PITPNM2: variants seen among roughly 807,000 people sequenced by gnomAD.
The protein encoded by PITPNM2 is membrane-associated phosphatidylinositol transfer protein 2.
Under a neutral mutation model 132.2 loss-of-function variants are expected in PITPNM2, and 35 were observed. The observed-to-expected ratio is 0.26, with a 90% CI of 0.20 to 0.35. The LOEUF is 0.35. Among genes scored for constraint, PITPNM2 ranks in the 10% least tolerant of loss-of-function variants. PITPNM2 has a pLI of 1.00. For synonymous variants in PITPNM2, 738 were observed against 799.2 expected, an observed-to-expected ratio of 0.92 and a Z score of 1.29; for missense variants, 1,332 against 1,912.0, an observed-to-expected ratio of 0.70 and a Z score of 5.66.
intron 1 of PITPNM2, among the ~76,000 whole-genome samples, chr12:123,138,318 C>T (rs767405652): frequency 3.3e-5 from 5 of 151,948 alleles, no homozygotes; most frequent in Admixed American, 6.6e-5. Context: ...CATGGTGGTG[C>T]GTGCCTGTAG....
At chr12:123,066,548 G>T (rs1451917843) in intron 2 of PITPNM2, among the ~76,000 whole-genome samples, 1 of 152,190 alleles carries the variant, frequency 6.6e-6, no homozygotes, top group Non-Finnish European at 1.5e-5. Context: ...GACAAGCACA[G>T]ACTGAGAGCT....
intron 1 of PITPNM2, among the ~76,000 whole-genome samples, chr12:123,147,224 C>G (rs1214298048): frequency 6.6e-6 from 1 of 152,202 alleles, no homozygotes; most frequent in African/African-American, 2.4e-5. Context: ...TGAACTCTAC[C>G]TTCAACAACT....
chr12:123,016,155 G>T (rs560616768), intron 3 of PITPNM2, among the ~76,000 whole-genome samples: 1 of 151,980 alleles, frequency 6.6e-6, no homozygotes, highest in South Asian at 2.1e-4. Flanking sequence ...GTAAAACTCC[G>T]TCTCTACTGA....
At chr12:122,997,028 G>T in intron 11 of PITPNM2, 118 bp from the exon 12 acceptor site, 1 of 1,115,850 alleles carries the variant, frequency 9.0e-7, no homozygotes, top group Non-Finnish European at 1.2e-6. Flanking sequence ...GACCCTTCCC[G>T]GCCAGGGCCT....
intron 1 of PITPNM2, among the ~76,000 whole-genome samples, chr12:123,145,825 C>T (rs184844785): frequency 1.3e-4 from 20 of 152,244 alleles, no homozygotes; most frequent in African/African-American, 4.6e-4. Context: ...CTAAAAATAT[C>T]GTTCTATCAT....
chr12:123,092,978 T>C (rs1240595685), intron 2 of PITPNM2, among the ~76,000 whole-genome samples: 1 of 152,234 alleles, frequency 6.6e-6, no homozygotes, highest in Non-Finnish European at 1.5e-5. Flanking sequence ...AATGCACTTG[T>C]GATCCATGGA....
intron 1 of PITPNM2, chr12:123,149,632 G>A (rs2043687133): frequency 1.3e-5 from 2 of 152,742 alleles, no homozygotes; most frequent in Non-Finnish European, 2.9e-5. Flanking sequence ...GGGAGATAAG[G>A]CAGATGGAAA....
intron 2 of PITPNM2, chr12:123,084,632 G>A (rs2042062284): frequency 6.6e-6 from 1 of 152,202 alleles, no homozygotes; most frequent in African/African-American, 2.4e-5. Flanking sequence ...TCTCATGCCA[G>A]GCCCAGCTGA....
Position 123,009,553 on chromosome 12 carries a change from T to C in PITPNM2, c.643+297A>G, listed in dbSNP as rs1347414599. Among the ~76,000 whole-genome samples the C allele has an allele frequency of 6.6e-6, 1 of 152,190 alleles. No individual in the cohort carries two copies. The highest frequency in any genetic ancestry group is 1.5e-5 in the Non-Finnish European group (1 of 68,026). On this transcript the variant is annotated intron_variant, in intron 6 of 25. Coordinates refer to ENST00000320201, the MANE Select transcript of PITPNM2 (RefSeq NM_020845.3). This position sits in a 1 kb window ranked among gnomAD's most constrained non-coding sequence, Gnocchi z 4.8. The stretch of plus-strand genomic sequence containing the variant: ...GACCTGTGGAGTGTGGGCTACTCTT[T>C]ATCAAATGCGAACTAGGTCAGGAAT...
intron 14 of PITPNM2, 113 bp downstream of exon 14, chr12:122,995,276 G>A (rs2038374700): frequency 7.0e-7 from 1 of 1,428,254 alleles, no homozygotes; most frequent in African/African-American, 1.4e-5. Context: ...CAGGCTGGGG[G>A]AACCTCAGGC....
intron 23 of PITPNM2, 38 bp from the exon 24 acceptor site, chr12:122,986,867 C>T: frequency 5.8e-6 from 9 of 1,552,796 alleles, no homozygotes; most frequent in Non-Finnish European, 7.8e-6. Context: ...ACCCCTTCCT[C>T]CCTCCTGGGC....
At position 122,988,718 on chromosome 12, in the gene PITPNM2, G is replaced by A. The variant is rs368478508; in HGVS notation, c.2880+6C>T. On this transcript the variant is annotated splice_donor_region_variant and intron_variant, in intron 19 of 25. Transcript: ENST00000320201. ...GCCCTCCTGGGAGGTCCCAGGCCCC[G>A]GGTACCTGTCTCAGCAGAAAGGAGA... 49 of 1,555,614 alleles carry A rather than the reference G, an allele frequency of 3.1e-5. No individual in the cohort carries two copies. The African/African-American group carries it at 5.2e-4, about 16-fold the overall frequency.
chr12:123,081,477 G>C (rs1472841006), intron 2 of PITPNM2: 3 of 152,276 alleles, frequency 2.0e-5, no homozygotes, highest in Non-Finnish European at 4.4e-5. Flanking sequence ...AGAGGGCCTT[G>C]GTTCTCGGCT....
intron 1 of PITPNM2, among the ~76,000 whole-genome samples, chr12:123,115,706 T>C (rs2042925511): frequency 6.6e-6 from 1 of 151,878 alleles, no homozygotes; most frequent in African/African-American, 2.4e-5. Context: ...AAGTACAGAG[T>C]GACTAATACT....
Position 122,995,545 on chromosome 12 carries a change from G to A in PITPNM2, c.1898C>T (p.Ser633Phe). The A allele has an allele frequency of 1.2e-6, 2 of 1,610,458 alleles. No individual in the cohort carries two copies. Among genetic ancestry groups the A allele is most frequent in the East Asian group, 2.2e-5 (1 of 44,878 alleles). ...SSGGGGSSGGSSLESSRHLSR... is the reference protein window; with the variant it reads ...SSGGGGSSGGFSLESSRHLSR... ...CAGGTGCCGACTGCTCTCCAGGCTGGAGCCACCACTACTGCCACCACCACC... is the reference window on the plus strand; with the variant it reads ...CAGGTGCCGACTGCTCTCCAGGCTGAAGCCACCACTACTGCCACCACCACC... Residue 633 changes from serine (S) to phenylalanine (F), a missense_variant, in exon 14 of 26, where the codon TCC becomes TTC. Coordinates refer to ENST00000320201, the MANE Select transcript of PITPNM2 (RefSeq NM_020845.3).
intron 3 of PITPNM2, among the ~76,000 whole-genome samples, chr12:123,027,563 AT>A (rs925542790): frequency 2.3e-4 from 35 of 152,328 alleles, no homozygotes; most frequent in Admixed American, 1.3e-3. Flanking sequence ...ATGGGGATGA[AT>A]GGGGATGAGT....
intron 2 of PITPNM2, among the ~76,000 whole-genome samples, chr12:123,056,902 C>A (rs571381971): frequency 6.6e-6 from 1 of 152,238 alleles, no homozygotes; most frequent in East Asian, 1.9e-4. Flanking sequence ...TAGCCCCTGG[C>A]CTTGAATGGG....
chr12:123,020,849 C>T (rs1002155601), intron 3 of PITPNM2, among the ~76,000 whole-genome samples: 4 of 151,522 alleles, frequency 2.6e-5, no homozygotes, highest in Admixed American at 2.0e-4. Flanking sequence ...ATGGCAAAAC[C>T]CTGTCTCTAC....
At chr12:123,119,819 T>A (rs1455816740) in intron 1 of PITPNM2, among the ~76,000 whole-genome samples, 3 of 149,168 alleles carry the variant, frequency 2.0e-5, no homozygotes, top group Non-Finnish European at 3.0e-5. Flanking sequence ...GAGTTTGGGG[T>A]GTTGAGTGGC....
Sources: gnomAD v4.1 joint callset for allele counts (sites outside exome capture counted in the v4.1 genomes callset) on GRCh38, gnomAD v4.1.1 for gene constraint, Gnocchi (gnomAD v3.1) non-coding constraint, MANE v1.5 for transcripts, NCBI Gene and HGNC (gene_info 2026-07-23, HGNC 2026-07-21) for gene names.